PNO1: variants seen among roughly 807,000 people sequenced by gnomAD.
The protein encoded by PNO1 is RNA-binding protein PNO1.
A neutral mutation model predicts 28.4 loss-of-function variants in PNO1; 16 were observed. The observed-to-expected ratio is 0.56, with a 90% CI of 0.38 to 0.85. The LOEUF (loss-of-function observed/expected upper bound fraction) is 0.85. PNO1 is among the 40% of genes least tolerant of loss of function. The pLI, the probability that PNO1 is intolerant of heterozygous loss-of-function variation, is 0.00. For missense variants in PNO1, 304 were observed against 312.2 expected, an observed-to-expected ratio of 0.97 and a Z score of 0.20; for synonymous variants, 115 against 110.8, an observed-to-expected ratio of 1.04 and a Z score of -0.24.
intron 5 of PNO1, among the ~76,000 whole-genome samples, chr2:68,171,757 G>A (rs573317975): frequency 6.6e-6 from 1 of 152,120 alleles, no homozygotes; most frequent in Non-Finnish European, 1.5e-5. Flanking sequence ...GCCTCACTGA[G>A]GTCATCATAA....
chr2:68,168,066 A>G (rs1489815616), intron 5 of PNO1, among the ~76,000 whole-genome samples: 7 of 152,222 alleles, frequency 4.6e-5, no homozygotes, highest in African/African-American at 1.4e-4. Context: ...GGCCATTCTG[A>G]CAGGCTGGAA....
chr2:68,163,263 G>A (rs1408291624), intron 5 of PNO1, among the ~76,000 whole-genome samples: 1 of 152,202 alleles, frequency 6.6e-6, no homozygotes, highest in Non-Finnish European at 1.5e-5. Flanking sequence ...TGGGCACAGT[G>A]GCTCACGCCT....
In PNO1 at chr2:68,173,338, T is replaced by C. The variant is rs1405431783; in HGVS notation, c.621-9T>C. 1.3e-6 allele frequency: 2 copies of C among 1,571,966 alleles called. No homozygotes were observed. The highest frequency in any genetic ancestry group is 1.8e-6 in the Non-Finnish European group (2 of 1,142,120). ...CAGCCACTAATTTGTCTCATTTTATTTCTTTCAGGAAAGTTCACATCCTTG... is the reference window on the plus strand; with the variant it reads ...CAGCCACTAATTTGTCTCATTTTATCTCTTTCAGGAAAGTTCACATCCTTG... On this transcript the variant is annotated splice_polypyrimidine_tract_variant and intron_variant, in intron 5 of 6. Transcript: ENST00000263657.
rs766561587 is a variant in PNO1 at position 68,162,639 on chromosome 2, G to A, written c.596G>A (p.Arg199Gln). Residue 199 changes from arginine (R) to glutamine (Q), a missense_variant, in exon 5 of 7, where the codon CGG becomes CAG. Coordinates refer to ENST00000263657, the MANE Select transcript of PNO1 (RefSeq NM_020143.4). ...AAATTCACCATAGAGAATGTGACAC[G>A]GACAAGGATAGTTTTGGCTGATGTG... ...KTKFTIENVT[R>Q]TRIVLADVKV... is the part of the protein sequence containing the mutation. 6.8e-6 allele frequency: 11 copies of A among 1,610,454 alleles called. No homozygotes were observed. The highest frequency in any genetic ancestry group is 2.2e-5 in the East Asian group (1 of 44,854).
Position 68,162,561 on chromosome 2 carries a change from G to C in PNO1, c.518G>C (p.Gly173Ala). The C allele has an allele frequency of 6.2e-7, 1 of 1,612,864 alleles. No individual in the cohort carries two copies. Among genetic ancestry groups the C allele is most frequent in the Non-Finnish European group, 8.5e-7 (1 of 1,178,856 alleles). Reference sequence around the variant, plus strand: ...TCTTGTTTAGTTAAACCCCTAAAGGGAGACCATCTATCCAGGGCAATAGGA... The same window carrying C: ...TCTTGTTTAGTTAAACCCCTAAAGGCAGACCATCTATCCAGGGCAATAGGA... ...FEITDVKPLKGDHLSRAIGRI... is the reference protein window; with the variant it reads ...FEITDVKPLKADHLSRAIGRI... The change falls in exon 5 of 7, where the codon GGA becomes GCA. Residue 173 changes from glycine to alanine, a missense_variant. Gly to Ala is a moderately conservative substitution (Grantham distance 60). Coordinates refer to ENST00000263657, the MANE Select transcript of PNO1 (RefSeq NM_020143.4).
chr2:68,165,146 C>T (rs1673943204), intron 5 of PNO1, among the ~76,000 whole-genome samples: 1 of 151,756 alleles, frequency 6.6e-6, no homozygotes, highest in South Asian at 2.1e-4. Context: ...GGGCGGATCA[C>T]GAGGTCAGGA....
In PNO1 at chr2:68,174,879, A is replaced by T; in HGVS notation, c.*77A>T. 1.1e-6 allele frequency: 1 copy of T among 910,804 alleles called. No individual in the cohort carries two copies. Among genetic ancestry groups the T allele is most frequent in the Non-Finnish European group, 1.8e-6 (1 of 564,268 alleles). The allele number at this position is 910,804 out of a possible 1,614,324, so 56.4% of individuals were successfully genotyped here. ...TTACAGTGGTCGGTCACAAGAAACC[A>T]GCTGAACAATTTCAGTCATTTGAAG... On this transcript the variant is annotated 3_prime_UTR_variant, in exon 7 of 7. Coordinates refer to ENST00000263657, the MANE Select transcript of PNO1 (RefSeq NM_020143.4).
chr2:68,170,324 A>C (rs2103688290), intron 5 of PNO1, among the ~76,000 whole-genome samples: 1 of 152,152 alleles, frequency 6.6e-6, no homozygotes, highest in African/African-American at 2.4e-5. Context: ...CTTTCCAACT[A>C]TTGCCCCATT....
intron 2 of PNO1, among the ~76,000 whole-genome samples, chr2:68,160,194 CT>C (rs1673795597): frequency 6.6e-6 from 1 of 151,880 alleles, no homozygotes; most frequent in Non-Finnish European, 1.5e-5. Context: ...TGGTCTTGAT[CT>C]CCTGACCTCA....
intron 5 of PNO1, among the ~76,000 whole-genome samples, chr2:68,171,945 G>A (rs1224123246): frequency 6.6e-6 from 1 of 152,068 alleles, no homozygotes; most frequent in Non-Finnish European, 1.5e-5. Flanking sequence ...ACAGAAAGTG[G>A]TGAAGGGAGA....
chr2:68,162,384 C>A, intron 4 of PNO1, 59 bp downstream of exon 4: 1 of 1,322,936 alleles, frequency 7.6e-7, no homozygotes, highest in Non-Finnish European at 1.1e-6. Context: ...ATGTGACTCT[C>A]AGTTTTCTAA....
intron 5 of PNO1, among the ~76,000 whole-genome samples, chr2:68,170,152 T>C (rs571158660): frequency 3.3e-4 from 50 of 152,344 alleles, no homozygotes; most frequent in Non-Finnish European, 6.2e-4. Context: ...AGATGGGCTG[T>C]TGTGTACCTA....
chr2:68,162,692 G>T lies in PNO1; in HGVS notation c.620+29G>T, dbSNP rs376898171. The stretch of plus-strand genomic sequence containing the variant: ...AGTATCTGATCTTGAGAAAATTATT[G>T]TCATAATTTATATTTGATCTTTTGT... On this transcript the variant is annotated intron_variant, in intron 5 of 6. Transcript: ENST00000263657. 21 of 1,263,368 alleles carry T rather than the reference G, an allele frequency of 1.7e-5. No homozygotes were observed. In the East Asian group the frequency reaches 4.9e-4, roughly 29 times the overall value. The allele number at this position is 1,263,368 out of a possible 1,614,324, so 78.3% of individuals were successfully genotyped here. A position where few individuals can be genotyped will look rare whatever the true frequency, so the allele number is the denominator to read the frequency against.
rs774250544 is a variant in PNO1, at chr2:68,173,374, A to G, written c.648A>G (p.Gln216=). 6 of 1,608,082 alleles carry G rather than the reference A, an allele frequency of 3.7e-6. No individual in the cohort carries two copies. The highest frequency in any genetic ancestry group is 5.1e-6 in the Non-Finnish European group (6 of 1,174,870). ...AAGTTCACATCCTTGGCTCCTTCCA[A>G]AATATCAAGATGGCAAGAACTGCCA... ...DVKVHILGSF[Q]NIKMARTAIC... is the part of the protein sequence containing the mutation. The change falls in exon 6 of 7, where the codon CAA becomes CAG. Residue 216 remains glutamine, a synonymous_variant. Coordinates refer to ENST00000263657, the MANE Select transcript of PNO1 (RefSeq NM_020143.4).
rs17035053 is a variant in PNO1, at chr2:68,161,570, G to T, written c.358-113G>T. 826 of 700,284 alleles carry T rather than the reference G, an allele frequency of 1.2e-3. 10 individuals carry two copies. The African/African-American group carries it at 0.012, about 10-fold the overall frequency. The allele number at this position is 700,284 out of a possible 1,614,324, so 43.4% of individuals were successfully genotyped here. A position where few individuals can be genotyped will look rare whatever the true frequency, so the allele number is the denominator to read the frequency against. On this transcript the variant is annotated intron_variant, in intron 2 of 6. Coordinates refer to ENST00000263657, the MANE Select transcript of PNO1 (RefSeq NM_020143.4). ...GTCATACAGAATATATTAGGGAAAG[G>T]TGGTGGTGAAGGAAATTCTCCAATA...
chr2:68,162,090 G>C (rs1673845593), intron 3 of PNO1, among the ~76,000 whole-genome samples, 175 bp from the exon 4 acceptor site: 1 of 151,742 alleles, frequency 6.6e-6, no homozygotes, highest in African/African-American at 2.4e-5. Context: ...AGTGAGCCAA[G>C]ATCACGCCAC....
At chr2:68,168,522 ATAT>A (rs758611044) in intron 5 of PNO1, among the ~76,000 whole-genome samples, 50 of 152,300 alleles carry the variant, frequency 3.3e-4, no homozygotes, top group Admixed American at 1.0e-3. Flanking sequence ...AATTGTTTTA[ATAT>A]TGTTTATCAC....
At chr2:68,163,582 T>C (rs767220407) in intron 5 of PNO1, among the ~76,000 whole-genome samples, 2 of 150,854 alleles carry the variant, frequency 1.3e-5, no homozygotes, top group Admixed American at 6.6e-5. Flanking sequence ...CATACATACA[T>C]ACTTACTCAA....
At chr2:68,168,422 G>A (rs1272932711) in intron 5 of PNO1, among the ~76,000 whole-genome samples, 1 of 152,218 alleles carries the variant, frequency 6.6e-6, no homozygotes. Context: ...TCAGTCTCTT[G>A]TCCAATCAAA....
Sources: allele counts gnomAD v4.1 joint callset (sites outside exome capture counted in the v4.1 genomes callset), GRCh38; gene constraint gnomAD v4.1.1; transcripts MANE v1.5; gene names NCBI Gene and HGNC (gene_info 2026-07-23, HGNC 2026-07-21).